CADM4: variants seen among roughly 807,000 people sequenced by gnomAD.
CADM4 encodes the protein TSLC1-like 2.
In CADM4, 13 loss-of-function variants were observed where a neutral mutation model predicts 43.9. That is an observed-to-expected ratio of 0.30 (90% CI 0.19 to 0.47). CADM4 has a LOEUF of 0.47. CADM4 is among the 20% of genes least tolerant of loss of function. The pLI, the probability that CADM4 is intolerant of heterozygous loss-of-function variation, is 1.00. For synonymous variants in CADM4, 209 were observed against 220.9 expected, an observed-to-expected ratio of 0.95 and a Z score of 0.48; for missense variants, 420 against 527.0, an observed-to-expected ratio of 0.80 and a Z score of 1.99.
intron 1 of CADM4, among the ~76,000 whole-genome samples, chr19:43,632,674 T>A (rs910752100): frequency 3.3e-5 from 5 of 152,074 alleles, no homozygotes; most frequent in African/African-American, 4.8e-5. Context: ...CCAAGCCCCA[T>A]CTTCCCAGGG....
At chr19:43,635,249 T>C (rs1973684830) in intron 1 of CADM4, among the ~76,000 whole-genome samples, 1 of 151,976 alleles carries the variant, frequency 6.6e-6, no homozygotes, top group South Asian at 2.1e-4. Flanking sequence ...CCCAGGGGGC[T>C]CCTGGCATCC....
chr19:43,623,650 A>G lies in CADM4; in HGVS notation c.1058-211T>C, dbSNP rs1386289520. Among the ~76,000 whole-genome samples the G allele has an allele frequency of 6.6e-6, 1 of 152,232 alleles. No homozygotes were observed. The highest frequency in any genetic ancestry group is 1.5e-5 in the Non-Finnish European group (1 of 68,038). ...TTAGGAAGACTCCAAAAGCTCACCG[A>G]AAGTGCCACCCTTATCCTTTCTCTT... On this transcript the variant is annotated intron_variant, in intron 8 of 8. Coordinates refer to ENST00000222374, the MANE Select transcript of CADM4 (RefSeq NM_145296.2). The surrounding 1 kb of genome is among the most constrained non-coding windows in gnomAD (Gnocchi z 4.4).
In CADM4 at chr19:43,626,890, G is replaced by A. The variant is rs1973537367; in HGVS notation, c.393C>T (p.Val131=). Reference sequence around the variant, plus strand: ...CGCCGCCCTCTACCGCCTGCTCCCGGACCTCCACCACAGGATTCTCTGGGG... The same window carrying A: ...CGCCGCCCTCTACCGCCTGCTCCCGAACCTCCACCACAGGATTCTCTGGGG... ...LVAPENPVVE[V]REQAVEGGEV... The change falls in exon 4 of 9, where the codon GTC becomes GTT. Residue 131 remains valine, a synonymous_variant. Transcript: ENST00000222374. This position sits in a 1 kb window ranked among gnomAD's most constrained non-coding sequence, Gnocchi z 5.9. 1.2e-6 allele frequency: 2 copies of A among 1,606,948 alleles called. No individual in the cohort carries two copies. The highest frequency in any genetic ancestry group is 2.2e-5 in the East Asian group (1 of 44,656).
rs886801178 is a variant in CADM4 at position 43,627,372 on chromosome 19, C to T, written c.212-54G>A. 25 of 1,514,996 alleles carry T rather than the reference C, an allele frequency of 1.7e-5. No homozygotes were observed. The highest frequency in any genetic ancestry group is 2.2e-5 in the Non-Finnish European group (25 of 1,127,186). The allele number at this position is 1,514,996 out of a possible 1,614,324, so 93.8% of individuals were successfully genotyped here. ...TTTCGGGAGTCCTGGCCTCACAAGT[C>T]CCACCCTTCCGACAGGAGCTTAGAG... On this transcript the variant is annotated intron_variant, in intron 2 of 8. Coordinates refer to ENST00000222374, the MANE Select transcript of CADM4 (RefSeq NM_145296.2). The surrounding 1 kb of genome is among the most constrained non-coding windows in gnomAD (Gnocchi z 4.0).
chr19:43,628,351 C>T (rs1237359360), intron 1 of CADM4, among the ~76,000 whole-genome samples: 1 of 151,462 alleles, frequency 6.6e-6, no homozygotes, highest in African/African-American at 2.4e-5. Flanking sequence ...AGGGGAATCG[C>T]TTGAACCCGG....
intron 1 of CADM4, among the ~76,000 whole-genome samples, chr19:43,634,061 T>C (rs894866019): frequency 6.6e-6 from 1 of 152,042 alleles, no homozygotes; most frequent in African/African-American, 2.4e-5. Context: ...AACACCTAGG[T>C]TGATCCCAGC....
chr19:43,630,105 G>A (rs946530556), intron 1 of CADM4, among the ~76,000 whole-genome samples: 15 of 150,652 alleles, frequency 1.0e-4, no homozygotes, highest in Non-Finnish European at 5.9e-5. Context: ...GAGTTTCACC[G>A]TGTTGCCCAG....
rs879579663 is a variant in CADM4 at position 43,622,851 on chromosome 19, C to G, written c.*479G>C. ...ATTTCCACGCCCTCCCCCCACCCAT[C>G]CCCCCACCGTGCAAACATGGCTTTG... On this transcript the variant is annotated 3_prime_UTR_variant, in exon 9 of 9. Coordinates refer to ENST00000222374, the MANE Select transcript of CADM4 (RefSeq NM_145296.2). 2 of 135,542 alleles carry G rather than the reference C, an allele frequency of 1.5e-5. No homozygotes were observed. Among genetic ancestry groups the G allele is most frequent in the African/African-American group, 5.4e-5 (2 of 37,072 alleles). The allele number at this position is 135,542 out of a possible 1,614,324, so 8.4% of individuals were successfully genotyped here.
Position 43,623,315 on chromosome 19 carries a change from G to C in CADM4, c.*15C>G. 1 of 1,604,002 alleles carries C rather than the reference G, an allele frequency of 6.2e-7. No homozygotes were observed. The highest frequency in any genetic ancestry group is 2.2e-5 in the East Asian group (1 of 44,812). Reference sequence around the variant, plus strand: ...CCAGCCCAGGCCCAGGCCTAGGCCTGGGGTGGGGATAGGGTCAGATGAAGA... The same window carrying C: ...CCAGCCCAGGCCCAGGCCTAGGCCTCGGGTGGGGATAGGGTCAGATGAAGA... On this transcript the variant is annotated 3_prime_UTR_variant, in exon 9 of 9. Coordinates refer to ENST00000222374, the MANE Select transcript of CADM4 (RefSeq NM_145296.2). The surrounding 1 kb of genome is among the most constrained non-coding windows in gnomAD (Gnocchi z 4.4).
chr19:43,634,755 A>G (rs1477659161), intron 1 of CADM4, among the ~76,000 whole-genome samples: 1 of 151,236 alleles, frequency 6.6e-6, no homozygotes, highest in Non-Finnish European at 1.5e-5. Context: ...AGAGTGGCGG[A>G]GCAGGTAATG....
chr19:43,639,116 G>A (rs571976406), intron 1 of CADM4, among the ~76,000 whole-genome samples: 1 of 151,898 alleles, frequency 6.6e-6, no homozygotes, highest in Non-Finnish European at 1.5e-5. Flanking sequence ...GAAAAACAAG[G>A]GTGACAGCGA....
Position 43,623,463 on chromosome 19 carries a change from G to T in CADM4, c.1058-24C>A, listed in dbSNP as rs1372237739. On this transcript the variant is annotated intron_variant, in intron 8 of 8. Coordinates refer to ENST00000222374, the MANE Select transcript of CADM4 (RefSeq NM_145296.2). This position sits in a 1 kb window ranked among gnomAD's most constrained non-coding sequence, Gnocchi z 4.4. ...ACCTGAGGGGGTGACAGACCCCCGGGGCAGGGGGGACATATTTGTGGATCC... is the reference window on the plus strand; with the variant it reads ...ACCTGAGGGGGTGACAGACCCCCGGTGCAGGGGGGACATATTTGTGGATCC... The T allele has an allele frequency of 2.1e-6, 3 of 1,432,116 alleles. No individual in the cohort carries two copies. The highest frequency in any genetic ancestry group is 1.7e-5 in the Admixed American group (1 of 59,812). The allele number at this position is 1,432,116 out of a possible 1,614,324, so 88.7% of individuals were successfully genotyped here. A position where few individuals can be genotyped will look rare whatever the true frequency, so the allele number is the denominator to read the frequency against.
intron 1 of CADM4, among the ~76,000 whole-genome samples, chr19:43,639,226 AAGGGGACAGAGACC>A (rs1351895468): frequency 1.3e-5 from 2 of 151,632 alleles, no homozygotes; most frequent in Non-Finnish European, 2.9e-5. Context: ...GACCCAGGAA[AAGGGGACAGAGACC>A]AGGGGACAGA....
At chr19:43,624,034 C>T in intron 8 of CADM4, 80 bp downstream of exon 8, 1 of 1,559,362 alleles carries the variant, frequency 6.4e-7, no homozygotes, top group South Asian at 1.2e-5. Flanking sequence ...TCCGCCCTCT[C>T]GTTACCCTGG....
In CADM4 at chr19:43,627,653, C is replaced by T. The variant is rs886770169; in HGVS notation, c.202G>A (p.Gly68Ser). 3 of 1,613,648 alleles carry T rather than the reference C, an allele frequency of 1.9e-6. No individual in the cohort carries two copies. The highest frequency in any genetic ancestry group is 2.5e-6 in the Non-Finnish European group (3 of 1,179,646). ...GGTCCCCAGCACTCACCACGGGTGC[C>T]ATTGAAGAAGAGGGTCTGCCGGGCT... ...NPARQTLFFNGTRALKDERFQ... is the reference protein window; with the variant it reads ...NPARQTLFFNSTRALKDERFQ... Residue 68 changes from glycine to serine, a missense_variant, in exon 2 of 9, where the codon GGC becomes AGC. Transcript: ENST00000222374. This position sits in a 1 kb window ranked among gnomAD's most constrained non-coding sequence, Gnocchi z 4.0.
In CADM4 at chr19:43,626,318, C is replaced by CCA. The variant is rs776676142; in HGVS notation, c.500-32_500-31dup. 1.0e-5 allele frequency: 16 copies of CCA among 1,602,548 alleles called. No individual in the cohort carries two copies. Among genetic ancestry groups the CCA allele is most frequent in the Non-Finnish European group, 1.4e-5 (16 of 1,176,258 alleles). ...CACACCCCGGTCAGACACTGTCAGG[C>CCA]CACAATTCCGGCTCCATCCACCCAC... On this transcript the variant is annotated intron_variant, in intron 4 of 8. Coordinates refer to ENST00000222374, the MANE Select transcript of CADM4 (RefSeq NM_145296.2). This position sits in a 1 kb window ranked among gnomAD's most constrained non-coding sequence, Gnocchi z 5.9.
rs1393668143 is a variant in CADM4, at chr19:43,625,223, C to A, written c.783G>T (p.Gly261=). ...CCGCCCTCTCCGGCAAAGACTCATT[C>A]CCGCGGTTCCAGCGGATCTGGTTTG... ...PRPNQIRWNR[G]NESLPERAEA... Residue 261 remains glycine, a synonymous_variant, in exon 7 of 9, where the codon GGG becomes GGT. Coordinates refer to ENST00000222374, the MANE Select transcript of CADM4 (RefSeq NM_145296.2). This position sits in a 1 kb window ranked among gnomAD's most constrained non-coding sequence, Gnocchi z 4.5. 6.2e-7 allele frequency: 1 copy of A among 1,614,170 alleles called. No individual in the cohort carries two copies. Among genetic ancestry groups the A allele is most frequent in the African/African-American group, 1.3e-5 (1 of 75,064 alleles).
rs1973548667 is a variant in CADM4, at chr19:43,627,458, C to T, written c.212-140G>A. 8.1e-7 allele frequency: 1 copy of T among 1,228,920 alleles called. No homozygotes were observed. The highest frequency in any genetic ancestry group is 1.5e-5 in the African/African-American group (1 of 65,462). 76.1% of individuals were successfully genotyped at this position (1,228,920 alleles called of 1,614,324 possible). A position where few individuals can be genotyped will look rare whatever the true frequency, so the allele number is the denominator to read the frequency against. ...TGAGTCTGAGGTGTCCAACTATTTA[C>T]TCCCTTGAGGACCCAGCATTATTCA... is the stretch of plus-strand genomic sequence containing the variant. On this transcript the variant is annotated intron_variant, in intron 2 of 8. Coordinates refer to ENST00000222374, the MANE Select transcript of CADM4 (RefSeq NM_145296.2). The surrounding 1 kb of genome is among the most constrained non-coding windows in gnomAD (Gnocchi z 4.0).
Position 43,625,862 on chromosome 19 carries a change from G to A in CADM4, c.755+49C>T. ...CAAGTCCCTGGTCCCTGTTCTTCCA[G>A]GTCCCCAGCTTTCTCCTCCTGAGGA... On this transcript the variant is annotated intron_variant, in intron 6 of 8. Coordinates refer to ENST00000222374, the MANE Select transcript of CADM4 (RefSeq NM_145296.2). This position sits in a 1 kb window ranked among gnomAD's most constrained non-coding sequence, Gnocchi z 4.5. 1 of 1,513,016 alleles carries A rather than the reference G, an allele frequency of 6.6e-7. No homozygotes were observed. The highest frequency in any genetic ancestry group is 9.2e-7 in the Non-Finnish European group (1 of 1,089,920). The allele number at this position is 1,513,016 out of a possible 1,614,324, so 93.7% of individuals were successfully genotyped here.
Sources: allele counts gnomAD v4.1 joint callset (sites outside exome capture counted in the v4.1 genomes callset), GRCh38; gene constraint gnomAD v4.1.1; non-coding constraint Gnocchi (gnomAD v3.1); transcripts MANE v1.5; gene names NCBI Gene and HGNC (gene_info 2026-07-23, HGNC 2026-07-21).